DUSP15: variants seen among roughly 807,000 people sequenced by gnomAD.
DUSP15 encodes dual specificity phosphatase 15, also known as dual specificity protein phosphatase 15.
A neutral mutation model predicts 26.3 loss-of-function variants in DUSP15; 23 were observed. The ratio of observed to expected loss-of-function variants is 0.87; its 90% CI spans 0.63 to 1.24. The LOEUF is 1.24. DUSP15 is among the 50% of genes most tolerant of loss of function. DUSP15 has a pLI of 0.00. For synonymous variants in DUSP15, 143 were observed against 135.5 expected, an observed-to-expected ratio of 1.06 and a Z score of -0.39; for missense variants, 364 against 320.6, an observed-to-expected ratio of 1.14 and a Z score of -1.03.
intron 6 of DUSP15, 131 bp downstream of exon 6, chr20:31,862,440 C>A: frequency 9.3e-7 from 1 of 1,078,348 alleles, no homozygotes; most frequent in Non-Finnish European, 1.3e-6. Flanking sequence ...AGCTCAAAGG[C>A]CATGAGTTTG....
downstream of DUSP15, among the ~76,000 whole-genome samples, chr20:31,859,415 A>T (rs1241300792): frequency 6.6e-6 from 1 of 152,126 alleles, no homozygotes; most frequent in Non-Finnish European, 1.5e-5. Context: ...TGAGGCTCTG[A>T]GAGAGAATGC....
intron 6 of DUSP15, among the ~76,000 whole-genome samples, chr20:31,852,214 G>A (rs529110304): frequency 6.6e-6 from 1 of 152,156 alleles, no homozygotes; most frequent in African/African-American, 2.4e-5. Flanking sequence ...TCACTATGTT[G>A]GCCAAGCTGG....
At position 31,850,640 on chromosome 20, in the gene DUSP15, G is replaced by A. The variant is rs2062454022; in HGVS notation, c.463C>T (p.Gln155Ter). Residue 155 changes from glutamine to a stop codon, truncating the protein, a stop_gained, in exon 7 of 10, where the codon CAA becomes TAA. Coordinates refer to the DUSP15 transcript ENST00000278979. LOFTEE classifies it high-confidence loss of function. ...GTTGCTGAAGTCATCGGAGGGCATT[G>A]GGCACCAGAGGTTTTTGAGGTCCTA... 1 of 1,611,886 alleles carries A rather than the reference G, an allele frequency of 6.2e-7. No homozygotes were observed. Among genetic ancestry groups the A allele is most frequent in the East Asian group, 2.2e-5 (1 of 44,874 alleles).
chr20:31,861,885 C>G (rs1405892684), intron 6 of DUSP15, among the ~76,000 whole-genome samples: 3 of 152,056 alleles, frequency 2.0e-5, no homozygotes, highest in Admixed American at 6.5e-5. Flanking sequence ...GAGGCCCCTC[C>G]CTCTCCCTGA....
intron 6 of DUSP15, among the ~76,000 whole-genome samples, chr20:31,855,833 G>A (rs747617765): frequency 1.1e-4 from 16 of 152,190 alleles, no homozygotes; most frequent in Admixed American, 3.9e-4. Context: ...GTTGTTCAAT[G>A]AGCCTTCACC....
At chr20:31,863,856 G>A in intron 5 of DUSP15, 51 bp downstream of exon 5, 3 of 1,558,836 alleles carry the variant, frequency 1.9e-6, no homozygotes, top group East Asian at 4.5e-5. Context: ...TTCAGCAGAG[G>A]GCACAGCCAC....
downstream of DUSP15, among the ~76,000 whole-genome samples, chr20:31,856,255 G>T (rs1453609442): frequency 3.3e-5 from 5 of 152,184 alleles, no homozygotes; most frequent in Non-Finnish European, 7.4e-5. Context: ...GCTACAGTTG[G>T]GGAGGGGAGG....
At chr20:31,853,433 T>G (rs1047133277) in intron 6 of DUSP15, among the ~76,000 whole-genome samples, 3 of 151,922 alleles carry the variant, frequency 2.0e-5, no homozygotes, top group Admixed American at 2.0e-4. Context: ...GATAAAAAAT[T>G]AATGGACAAT....
At chr20:31,857,112 T>A (rs986125838), downstream of DUSP15, among the ~76,000 whole-genome samples, 11 of 151,772 alleles carry the variant, frequency 7.2e-5, no homozygotes, top group Non-Finnish European at 1.3e-4. Context: ...GTAAGGAGAC[T>A]CTCCAGGTGC....
intron 4 of DUSP15, chr20:31,864,503 C>T (rs1467027320): frequency 1.0e-6 from 1 of 971,446 alleles, no homozygotes; most frequent in Non-Finnish European, 1.2e-6. Context: ...AGATCCTTGA[C>T]CTGTGTCATC....
At chr20:31,851,168 G>T (rs372812005) in intron 6 of DUSP15, among the ~76,000 whole-genome samples, 34 of 152,264 alleles carry the variant, frequency 2.2e-4, no homozygotes, top group South Asian at 1.5e-3. Context: ...GATGTTGTAG[G>T]TATTAGGGCC....
At chr20:31,853,815 G>A (rs1244545603) in intron 6 of DUSP15, among the ~76,000 whole-genome samples, 1 of 152,086 alleles carries the variant, frequency 6.6e-6, no homozygotes, top group Non-Finnish European at 1.5e-5. Context: ...TGCCCAGGTG[G>A]TTGGTCTCGA....
downstream of DUSP15, chr20:31,845,614 C>A: frequency 6.4e-7 from 1 of 1,561,018 alleles, no homozygotes; most frequent in Non-Finnish European, 8.7e-7. Flanking sequence ...TCCGGAATAG[C>A]CTGCCCAGGC....
rs1456288870 is a variant in DUSP15 at position 31,861,524 on chromosome 20, G to A, written c.587C>T (p.Thr196Ile). ...AGPHSAASEG[T>I]VQRLVPRTPR... is the part of the protein sequence containing the mutation. ...CGTGCGCGGCACCAGGCGCTGCACG[G>A]TTCCCTCGGAGGCTGCTGAGTGCGG... Residue 196 changes from threonine (T) to isoleucine (I), a missense_variant, in exon 7 of 7, where the codon ACC becomes ATC. Physicochemically the swap from Thr to Ile is moderately conservative, Grantham distance 89. Coordinates refer to ENST00000339738, the MANE Select transcript of DUSP15 (RefSeq NM_080611.5). 1 of 1,519,402 alleles carries A rather than the reference G, an allele frequency of 6.6e-7. No homozygotes were observed. The highest frequency in any genetic ancestry group is 8.8e-7 in the Non-Finnish European group (1 of 1,141,674). The allele number at this position is 1,519,402 out of a possible 1,614,324, so 94.1% of individuals were successfully genotyped here. A position where few individuals can be genotyped will look rare whatever the true frequency, so the allele number is the denominator to read the frequency against.
Position 31,869,560 on chromosome 20 carries a change from T to C in DUSP15, c.55+4A>G, listed in dbSNP as rs768355182. 1 of 1,612,516 alleles carries C rather than the reference T, an allele frequency of 6.2e-7. No homozygotes were observed. Among genetic ancestry groups the C allele is most frequent in the Admixed American group, 1.7e-5 (1 of 59,790 alleles). On this transcript the variant is annotated splice_donor_region_variant and intron_variant, in intron 2 of 6. Coordinates refer to ENST00000339738, the MANE Select transcript of DUSP15 (RefSeq NM_080611.5). Reference sequence around the variant, plus strand: ...GGCCTCGGGACAGAGTGGGCAGTGCTCACCAATGAAGTTTCCGAGGTAGAG... The same window carrying C: ...GGCCTCGGGACAGAGTGGGCAGTGCCCACCAATGAAGTTTCCGAGGTAGAG...
chr20:31,850,017 G>T, intron 7 of DUSP15: 1 of 918,796 alleles, frequency 1.1e-6, no homozygotes, highest in Non-Finnish European at 1.6e-6. Flanking sequence ...CTCCCTATCA[G>T]TGATGATAAG....
rs548877464 is a variant in DUSP15, at chr20:31,848,094, C to G, written c.*310G>C. On this transcript the variant is annotated 3_prime_UTR_variant, in exon 10 of 10. Transcript: ENST00000278979. ...TAATGGACTCAACAGCAGGTTAAGGCTGGCTCTGAGGAAAGCGCTATTGAC... is the reference window on the plus strand; with the variant it reads ...TAATGGACTCAACAGCAGGTTAAGGGTGGCTCTGAGGAAAGCGCTATTGAC... The G allele has an allele frequency of 3.2e-4, 117 of 360,290 alleles. 1 individual carries two copies. The highest frequency in any genetic ancestry group is 2.2e-3 in the African/African-American group (101 of 46,864). The allele number at this position is 360,290 out of a possible 1,614,324, so 22.3% of individuals were successfully genotyped here. A position where few individuals can be genotyped will look rare whatever the true frequency, so the allele number is the denominator to read the frequency against.
At chr20:31,868,476 C>CTTTTTTT (rs35862553) in intron 2 of DUSP15, among the ~76,000 whole-genome samples, 2 of 97,332 alleles carry the variant, frequency 2.1e-5, no homozygotes, top group Admixed American at 1.2e-4. Context: ...TTTTCTTTCT[C>CTTTTTTT]TTTTTTTTTT....
Position 31,870,334 on chromosome 20 carries a change from C to T in DUSP15, c.4G>A (p.Gly2Ser), listed in dbSNP as rs1223675425. Reference protein sequence around the residue: MGNGMTKVLPGL... With the variant: MSNGMTKVLPGL... ...CCCCCTACCTTGGTCATGCCATTGCCCATGATCCCGGGGGCGGCGGTCCGG... is the reference window on the plus strand; with the variant it reads ...CCCCCTACCTTGGTCATGCCATTGCTCATGATCCCGGGGGCGGCGGTCCGG... Residue 2 changes from glycine to serine, a missense_variant, in exon 1 of 7, where the codon GGC becomes AGC. Gly to Ser is a moderately conservative substitution (Grantham distance 56). Transcript: ENST00000339738. This position sits in a 1 kb window ranked among gnomAD's most constrained non-coding sequence, Gnocchi z 6.6. 1.6e-6 allele frequency: 2 copies of T among 1,274,466 alleles called. No homozygotes were observed. The highest frequency in any genetic ancestry group is 1.5e-5 in the African/African-American group (1 of 65,646). 78.9% of individuals were successfully genotyped at this position (1,274,466 alleles called of 1,614,324 possible).
Sources: allele counts gnomAD v4.1 joint callset (sites outside exome capture counted in the v4.1 genomes callset), GRCh38; gene constraint gnomAD v4.1.1; non-coding constraint Gnocchi (gnomAD v3.1); transcripts MANE v1.5; gene names NCBI Gene and HGNC (gene_info 2026-07-23, HGNC 2026-07-21).